PSMB2: variants seen among roughly 807,000 people sequenced by gnomAD.
PSMB2 encodes the protein proteasome 20S subunit beta 2.
Under a neutral mutation model 25.7 loss-of-function variants are expected in PSMB2, and 13 were observed. That is an observed-to-expected ratio of 0.51 (90% CI 0.33 to 0.80). PSMB2 has a LOEUF of 0.80. PSMB2 is among the 30% of genes least tolerant of loss of function. The pLI is 0.02. For missense variants in PSMB2, 202 were observed against 259.0 expected (o/e 0.78, Z 1.51); for synonymous variants, 87 against 96.2 (o/e 0.90, Z 0.56).
At chr1:35,611,714 C>T (rs1650348374) in intron 3 of PSMB2, among the ~76,000 whole-genome samples, 1 of 152,080 alleles carries the variant, frequency 6.6e-6, no homozygotes, top group African/African-American at 2.4e-5. Flanking sequence ...ATCCCAGCTA[C>T]TTGGGAGGCT....
At chr1:35,628,625 ATATATAT>A (rs1444493560) in intron 3 of PSMB2, among the ~76,000 whole-genome samples, 86 of 43,980 alleles carry the variant, frequency 2.0e-3, no homozygotes, top group African/African-American at 4.6e-3. Context: ...ATATATATAT[ATATATAT>A]TTTTTTTTTT....
At chr1:35,626,570 C>T (rs1650867244) in intron 3 of PSMB2, among the ~76,000 whole-genome samples, 1 of 152,178 alleles carries the variant, frequency 6.6e-6, no homozygotes, top group South Asian at 2.1e-4. Context: ...TGCACAAATA[C>T]ACTTGTACAT....
chr1:35,628,596 A>AATATATATAT (rs869040203), intron 3 of PSMB2, among the ~76,000 whole-genome samples: 4 of 25,106 alleles, frequency 1.6e-4, no homozygotes, highest in African/African-American at 3.4e-4. Context: ...AAAAAAAAAA[A>AATATATATAT]ATATATATAT....
chr1:35,640,345 A>G lies in PSMB2; in HGVS notation c.91+997T>C, dbSNP rs146992782. On this transcript the variant is annotated intron_variant, in intron 1 of 5. Coordinates refer to ENST00000373237, the MANE Select transcript of PSMB2 (RefSeq NM_002794.5). ...AACTCATTTACTAAATCCTCCCGAC[A>G]AGTTTGTGAGTTTGGTATTGCTAAT... Among the ~76,000 whole-genome samples, 14 of 152,236 alleles carry G rather than the reference A, an allele frequency of 9.2e-5. No homozygotes were observed. In the East Asian group the frequency reaches 2.7e-3, roughly 29 times the overall value.
chr1:35,625,482 G>T (rs1303281209), intron 3 of PSMB2, among the ~76,000 whole-genome samples: 1 of 152,168 alleles, frequency 6.6e-6, no homozygotes, highest in African/African-American at 2.4e-5. Context: ...TAAGAAATAG[G>T]CTGGGCATGG....
At chr1:35,605,898 A>G (rs1461051187) in intron 4 of PSMB2, among the ~76,000 whole-genome samples, 1 of 152,222 alleles carries the variant, frequency 6.6e-6, no homozygotes, top group East Asian at 1.9e-4. Flanking sequence ...GACAGATGCC[A>G]AATCAAGAAA....
intron 3 of PSMB2, among the ~76,000 whole-genome samples, chr1:35,621,737 A>C (rs1650690992): frequency 6.6e-6 from 1 of 152,224 alleles, no homozygotes; most frequent in African/African-American, 2.4e-5. Flanking sequence ...GGCCAAGCGT[A>C]GTGGCTCATG....
chr1:35,603,257 G>A lies in PSMB2; in HGVS notation c.*10C>T. On this transcript the variant is annotated 3_prime_UTR_variant, in exon 6 of 6. Coordinates refer to ENST00000373237, the MANE Select transcript of PSMB2 (RefSeq NM_002794.5). ...AAAGTTCCCTGGCAAGTGGGAGGGA[G>A]GACATGATGTTAGGAGCCCTGTTTG... is the stretch of plus-strand genomic sequence containing the variant. 6.2e-7 allele frequency: 1 copy of A among 1,613,060 alleles called. No individual in the cohort carries two copies. Among genetic ancestry groups the A allele is most frequent in the Non-Finnish European group, 8.5e-7 (1 of 1,179,722 alleles).
At chr1:35,637,846 C>T (rs1011727195) in intron 1 of PSMB2, among the ~76,000 whole-genome samples, 4 of 152,042 alleles carry the variant, frequency 2.6e-5, no homozygotes, top group African/African-American at 7.2e-5. Flanking sequence ...TGTTAATAAA[C>T]GAAAAACATT....
chr1:35,639,442 C>T (rs945252093), intron 1 of PSMB2, among the ~76,000 whole-genome samples: 4 of 152,150 alleles, frequency 2.6e-5, no homozygotes, highest in African/African-American at 7.2e-5. Flanking sequence ...TCTTTTATTA[C>T]TCTTAGGATT....
chr1:35,640,233 A>G (rs1651357505), intron 1 of PSMB2, among the ~76,000 whole-genome samples: 1 of 152,172 alleles, frequency 6.6e-6, no homozygotes, highest in Non-Finnish European at 1.5e-5. Context: ...GGTTCAGATG[A>G]CTTAATGGTC....
chr1:35,610,305 T>C (rs1352331277), intron 3 of PSMB2, among the ~76,000 whole-genome samples: 1 of 151,998 alleles, frequency 6.6e-6, no homozygotes, highest in African/African-American at 2.4e-5. Context: ...CCGGGCATGA[T>C]GGCGCGCACC....
intron 2 of PSMB2, among the ~76,000 whole-genome samples, chr1:35,633,542 C>G (rs1026019326): frequency 2.9e-4 from 44 of 152,196 alleles, no homozygotes; most frequent in African/African-American, 1.0e-3. Flanking sequence ...TAACAAACAA[C>G]TCTTGCTACT....
At chr1:35,609,497 G>A in intron 3 of PSMB2, 89 bp from the exon 4 acceptor site, 1 of 1,205,672 alleles carries the variant, frequency 8.3e-7, no homozygotes, top group Non-Finnish European at 1.1e-6. Flanking sequence ...GACTCTTCAT[G>A]AGAAAGAAAA....
In PSMB2 at chr1:35,600,199, C is replaced by A. The variant is rs748330710; in HGVS notation, c.*3068G>T. 1.0e-4 allele frequency: 99 copies of A among 985,040 alleles called. No homozygotes were observed. Among genetic ancestry groups the A allele is most frequent in the Admixed American group, 1.8e-4 (3 of 16,244 alleles). 61.0% of individuals were successfully genotyped at this position (985,040 alleles called of 1,614,324 possible). On this transcript the variant is annotated 3_prime_UTR_variant, in exon 6 of 6. Transcript: ENST00000373237. ...TTAAAAGATTTAGGATGTAGAAATGCCAGAACTTGGTGGCCATGTAGAGAC... is the reference window on the plus strand; with the variant it reads ...TTAAAAGATTTAGGATGTAGAAATGACAGAACTTGGTGGCCATGTAGAGAC...
rs937300768 is a variant in PSMB2, at chr1:35,601,962, A to G, written c.*1305T>C. On this transcript the variant is annotated 3_prime_UTR_variant, in exon 6 of 6. Coordinates refer to ENST00000373237, the MANE Select transcript of PSMB2 (RefSeq NM_002794.5). ...GAAAATTATGCAACTGTCAACAAGA[A>G]TAAGCATATCTATATGTATTGATAT... The G allele has an allele frequency of 6.1e-5, 57 of 931,308 alleles. 1 individual carries two copies. Among genetic ancestry groups the G allele is most frequent in the Non-Finnish European group, 6.9e-5 (54 of 780,910 alleles). The allele number at this position is 931,308 out of a possible 1,614,324, so 57.7% of individuals were successfully genotyped here.
In PSMB2 at chr1:35,602,974, G is replaced by A. The variant is rs1031489573; in HGVS notation, c.*293C>T. On this transcript the variant is annotated 3_prime_UTR_variant, in exon 6 of 6. Transcript: ENST00000373237. ...ATATATGAAAGAGCTAGTTGGAAAG[G>A]AAGCCAAGCATGGAGTAGAACGTGG... is the stretch of plus-strand genomic sequence containing the variant. 16 of 1,083,262 alleles carry A rather than the reference G, an allele frequency of 1.5e-5. No individual in the cohort carries two copies. The highest frequency in any genetic ancestry group is 6.4e-5 in the East Asian group (1 of 15,592). 67.1% of individuals were successfully genotyped at this position (1,083,262 alleles called of 1,614,324 possible).
rs1284598319 is a variant in PSMB2 at position 35,603,150 on chromosome 1, A to C, written c.*117T>G. The C allele has an allele frequency of 2.5e-5, 36 of 1,464,410 alleles. No individual in the cohort carries two copies. The highest frequency in any genetic ancestry group is 2.7e-5 in the Non-Finnish European group (30 of 1,110,044). The allele number at this position is 1,464,410 out of a possible 1,614,324, so 90.7% of individuals were successfully genotyped here. A position where few individuals can be genotyped will look rare whatever the true frequency, so the allele number is the denominator to read the frequency against. ...TGGACCAGAGGGCTCAATTATATCC[A>C]TAGTCACCTTTATTCTGAATTAACC... On this transcript the variant is annotated 3_prime_UTR_variant, in exon 6 of 6. Transcript: ENST00000373237.
chr1:35,633,177 C>A lies in PSMB2; in HGVS notation c.215-1833G>T, dbSNP rs116624790. On this transcript the variant is annotated intron_variant, in intron 2 of 5. Coordinates refer to ENST00000373237, the MANE Select transcript of PSMB2 (RefSeq NM_002794.5). ...TGGAAGTTGCAGTGGGCTGAGACTG[C>A]ACCACTGCACTCCAATCTGAGCAAC... is the stretch of plus-strand genomic sequence containing the variant. Among the ~76,000 whole-genome samples the A allele has an allele frequency of 9.9e-3, 1,492 of 150,240 alleles. 27 individuals are homozygous for A. The highest frequency in any genetic ancestry group is 0.035 in the African/African-American group (1,410 of 40,842).
Sources: gnomAD v4.1 joint callset for allele counts (sites outside exome capture counted in the v4.1 genomes callset) on GRCh38, gnomAD v4.1.1 for gene constraint, MANE v1.5 for transcripts, NCBI Gene and HGNC (gene_info 2026-07-23, HGNC 2026-07-21) for gene names.